TMED8: variants seen among roughly 807,000 people sequenced by gnomAD.
TMED8 encodes transmembrane p24 trafficking protein family member 8.
TMED8 carries 15 observed loss-of-function variants against 32.7 expected under a neutral mutation model. The observed-to-expected ratio is 0.46, with a 90% CI of 0.31 to 0.71. The LOEUF is 0.71. Among genes scored for constraint, TMED8 ranks in the 30% least tolerant of loss-of-function variants. The pLI is 0.06. For missense variants in TMED8, 390 were observed against 423.9 expected (o/e 0.92, Z 0.70); for synonymous variants, 147 against 161.4 (o/e 0.91, Z 0.68).
intron 1 of TMED8, among the ~76,000 whole-genome samples, chr14:77,362,869 G>A (rs79737450): frequency 0.027 from 4,100 of 152,204 alleles, 81 homozygotes; most frequent in Non-Finnish European, 0.039. Flanking sequence ...ACTGTCACAC[G>A]AAACAAAGAA....
intron 1 of TMED8, among the ~76,000 whole-genome samples, chr14:77,367,299 C>T (rs999177044): frequency 2.6e-5 from 3 of 116,446 alleles, no homozygotes; most frequent in South Asian, 2.8e-4. Flanking sequence ...TGAAATATAA[C>T]GCAAATGTAG....
chr14:77,364,555 T>C (rs1405239368), intron 1 of TMED8, among the ~76,000 whole-genome samples: 1 of 151,782 alleles, frequency 6.6e-6, no homozygotes, highest in Non-Finnish European at 1.5e-5. Context: ...TAAGATGGAG[T>C]CTCACTGTGT....
chr14:77,335,920 G>C lies in TMED8; in HGVS notation c.*5851C>G, dbSNP rs1892750050. 1 of 152,180 alleles carries C rather than the reference G, an allele frequency of 6.6e-6. No individual in the cohort carries two copies. Among genetic ancestry groups the C allele is most frequent in the African/African-American group, 2.4e-5 (1 of 41,446 alleles). The allele number at this position is 152,180 out of a possible 1,614,324, so 9.4% of individuals were successfully genotyped here. On this transcript the variant is annotated 3_prime_UTR_variant, in exon 6 of 6. Transcript: ENST00000216468. ...TAGTAAAATGTACTGTTTAGGATAT[G>C]AGAGACGGAATTAAGATAATGTTTT...
chr14:77,361,280 C>T (rs1893428166), intron 1 of TMED8, among the ~76,000 whole-genome samples: 1 of 152,188 alleles, frequency 6.6e-6, no homozygotes, highest in Non-Finnish European at 1.5e-5. Context: ...CCACGCCCGG[C>T]CCATTTCCAT....
At position 77,376,977 on chromosome 14, in the gene TMED8, C is replaced by G; in HGVS notation, c.77G>C (p.Gly26Ala). 1 of 1,451,562 alleles carries G rather than the reference C, an allele frequency of 6.9e-7. No individual in the cohort carries two copies. The highest frequency in any genetic ancestry group is 9.0e-7 in the Non-Finnish European group (1 of 1,110,656). 89.9% of individuals were successfully genotyped at this position (1,451,562 alleles called of 1,614,324 possible). Residue 26 changes from glycine to alanine, a missense_variant, in exon 1 of 6, where the codon GGG becomes GCG. Transcript: ENST00000216468. This position sits in a 1 kb window ranked among gnomAD's most constrained non-coding sequence, Gnocchi z 4.0. ...TARPGSAGGV[G>A]DCQGVEGSQA... is the part of the protein sequence containing the mutation. ...GCTCCCCTCCACTCCCTGGCAGTCC[C>G]CGACGCCGCCAGCCGACCCTGGGCG...
At chr14:77,351,797 C>G in intron 1 of TMED8, 46 bp from the exon 2 acceptor site, 1 of 1,476,984 alleles carries the variant, frequency 6.8e-7, no homozygotes, top group Non-Finnish European at 9.3e-7. Flanking sequence ...AGAGGGAATA[C>G]AATCATAATT....
Position 77,336,957 on chromosome 14 carries a change from CTT to C in TMED8, c.*4812_*4813del, listed in dbSNP as rs1016286294. On this transcript the variant is annotated 3_prime_UTR_variant, in exon 6 of 6. Coordinates refer to ENST00000216468, the MANE Select transcript of TMED8 (RefSeq NM_213601.3). ...AACTCATATTCCCTACAGATTAAGA[CTT>C]TTTATGATAATACCTAATTCTACTG... The C allele has an allele frequency of 2.2e-4, 33 of 152,274 alleles. No individual in the cohort carries two copies. Among genetic ancestry groups the C allele is most frequent in the African/African-American group, 7.7e-4 (32 of 41,548 alleles). The allele number at this position is 152,274 out of a possible 1,614,324, so 9.4% of individuals were successfully genotyped here.
intron 1 of TMED8, among the ~76,000 whole-genome samples, chr14:77,372,952 A>ATATATATATTTT (rs1555360928): frequency 7.0e-5 from 1 of 14,308 alleles, no homozygotes; most frequent in Non-Finnish European, 1.1e-4. Context: ...ATATATATAT[A>ATATATATATTTT]TTTTTTTTTT....
rs891976111 is a variant in TMED8, at chr14:77,376,304, C to T, written c.118+632G>A. Among the ~76,000 whole-genome samples, 1 of 152,214 alleles carries T rather than the reference C, an allele frequency of 6.6e-6. No homozygotes were observed. Among genetic ancestry groups the T allele is most frequent in the African/African-American group, 2.4e-5 (1 of 41,458 alleles). ...GCCAAATTTTTAATTCCTGCTCTTG[C>T]TTTGGCTACTGTGTTCAAGCAAAAG... is the stretch of plus-strand genomic sequence containing the variant. On this transcript the variant is annotated intron_variant, in intron 1 of 5. Coordinates refer to ENST00000216468, the MANE Select transcript of TMED8 (RefSeq NM_213601.3). The surrounding 1 kb of genome is among the most constrained non-coding windows in gnomAD (Gnocchi z 4.0).
At chr14:77,373,903 C>G (rs948363765) in intron 1 of TMED8, among the ~76,000 whole-genome samples, 3 of 152,182 alleles carry the variant, frequency 2.0e-5, no homozygotes, top group Admixed American at 2.0e-4. Context: ...CCTCCCGTCT[C>G]TCTCTCTCTC....
At chr14:77,350,500 A>G (rs1893153236) in intron 2 of TMED8, among the ~76,000 whole-genome samples, 1 of 152,250 alleles carries the variant, frequency 6.6e-6, no homozygotes, top group Non-Finnish European at 1.5e-5. Flanking sequence ...TAAAAGAGAA[A>G]TTCTGGATCA....
chr14:77,356,401 GA>G (rs918835332), intron 1 of TMED8, among the ~76,000 whole-genome samples: 5 of 152,018 alleles, frequency 3.3e-5, no homozygotes, highest in Non-Finnish European at 1.5e-5. Context: ...CTTTATTGTA[GA>G]AAATGTTAAA....
rs1395400303 is a variant in TMED8, at chr14:77,339,512, T to C, written c.*2259A>G. ...AATTTGAGAGAAAGGCAGAAGTTAA[T>C]AATAAACAGGAAAAATAAGCAAGGC... On this transcript the variant is annotated 3_prime_UTR_variant, in exon 6 of 6. Transcript: ENST00000216468. 6.6e-6 allele frequency: 1 copy of C among 152,176 alleles called. No individual in the cohort carries two copies. Among genetic ancestry groups the C allele is most frequent in the East Asian group, 1.9e-4 (1 of 5,204 alleles). The allele number at this position is 152,176 out of a possible 1,614,324, so 9.4% of individuals were successfully genotyped here. A position where few individuals can be genotyped will look rare whatever the true frequency, so the allele number is the denominator to read the frequency against.
rs756734616 is a variant in TMED8 at position 77,341,953 on chromosome 14, T to C, written c.796A>G (p.Arg266Gly). The C allele has an allele frequency of 3.1e-6, 5 of 1,614,056 alleles. No individual in the cohort carries two copies. The highest frequency in any genetic ancestry group is 4.2e-6 in the Non-Finnish European group (5 of 1,180,006). Reference sequence around the variant, plus strand: ...CCATAGCGACCCCGCAAGGAGCTCCTGGAGCCTCTCTCCACATCTCCAGCT... The same window carrying C: ...CCATAGCGACCCCGCAAGGAGCTCCCGGAGCCTCTCTCCACATCTCCAGCT... ...VPAGDVERGS[R>G]SSLRGRYGEV... The change falls in exon 6 of 6, where the codon AGG becomes GGG. Residue 266 changes from arginine to glycine, a missense_variant. By Grantham distance (125) the Arg-to-Gly change is moderately radical. Transcript: ENST00000216468.
At chr14:77,372,907 TATATATATATATATATA>T (rs1281931150) in intron 1 of TMED8, among the ~76,000 whole-genome samples, 538 of 41,864 alleles carry the variant, frequency 0.013, 20 homozygotes, top group African/African-American at 0.023. Flanking sequence ...CCACAGATAT[TATATATATATATATATA>T]TATATATATA....
intron 3 of TMED8, 25 bp from the exon 4 acceptor site, chr14:77,343,848 G>T (rs768681005): frequency 6.2e-7 from 1 of 1,601,148 alleles, no homozygotes; most frequent in Non-Finnish European, 8.5e-7. Context: ...TCTGGTTAAA[G>T]GAGTATTCGA....
At chr14:77,364,147 T>C (rs1893499132) in intron 1 of TMED8, among the ~76,000 whole-genome samples, 1 of 152,234 alleles carries the variant, frequency 6.6e-6, no homozygotes, top group Non-Finnish European at 1.5e-5. Flanking sequence ...AGTATATTAA[T>C]TTTAATTTGC....
rs918302614 is a variant in TMED8, at chr14:77,335,070, A to C, written c.*6701T>G. 2.0e-5 allele frequency: 3 copies of C among 152,240 alleles called. No individual in the cohort carries two copies. Among genetic ancestry groups the C allele is most frequent in the Non-Finnish European group, 2.9e-5 (2 of 68,044 alleles). The allele number at this position is 152,240 out of a possible 1,614,324, so 9.4% of individuals were successfully genotyped here. On this transcript the variant is annotated 3_prime_UTR_variant, in exon 6 of 6. Coordinates refer to ENST00000216468, the MANE Select transcript of TMED8 (RefSeq NM_213601.3). ...TTATTTATGACAGATTCGAAAACTC[A>C]GAAGAGATGACAAAGAATGCACAAA...
chr14:77,335,623 T>A lies in TMED8; in HGVS notation c.*6148A>T, dbSNP rs763724676. ...TTTGGAAAATCTTCAAGCACCTCCC[T>A]TTATTCCAATTATCCTTTTCCAAAG... On this transcript the variant is annotated 3_prime_UTR_variant, in exon 6 of 6. Transcript: ENST00000216468. 7 of 152,218 alleles carry A rather than the reference T, an allele frequency of 4.6e-5. No individual in the cohort carries two copies. The highest frequency in any genetic ancestry group is 1.0e-4 in the Non-Finnish European group (7 of 68,038). 9.4% of individuals were successfully genotyped at this position (152,218 alleles called of 1,614,324 possible).
Sources: allele counts gnomAD v4.1 joint callset (sites outside exome capture counted in the v4.1 genomes callset), GRCh38; gene constraint gnomAD v4.1.1; non-coding constraint Gnocchi (gnomAD v3.1); transcripts MANE v1.5; gene names NCBI Gene and HGNC (gene_info 2026-07-23, HGNC 2026-07-21).